Variants in E2F8 observed in about 807,000 individuals in gnomAD.
E2F8 encodes transcription factor E2F8.
E2F8 carries 35 observed loss-of-function variants against 80.8 expected under a neutral mutation model. That is an observed-to-expected ratio of 0.43 (90% CI 0.33 to 0.57). The LOEUF is 0.57. Ranked by LOEUF, E2F8 falls within the 20% of genes least tolerant of loss-of-function variation. The probability of loss-of-function intolerance (pLI) is 0.04; values close to 1 mark genes in which losing one functional copy is unlikely to be tolerated. For missense variants in E2F8, 975 were observed against 1,056.2 expected (o/e 0.92, Z 1.07); for synonymous variants, 386 against 395.0 (o/e 0.98, Z 0.27).
In E2F8 at chr11:19,229,690, T is replaced by G; in HGVS notation, c.1657A>C (p.Thr553Pro). ...TVCTTHSSKA[T>P]GSKDSTDATT... is the part of the protein sequence containing the mutation. ...GCATCTGTGGAGTCTTTTGAGCCAG[T>G]AGCTTTAGAAGAGTGGGTGGTGCAC... Residue 553 changes from threonine to proline, a missense_variant, in exon 10 of 13, where the codon ACT (threonine) becomes CCT (proline). Coordinates refer to ENST00000250024, the MANE Select transcript of E2F8 (RefSeq NM_024680.4). The surrounding 1 kb of genome is among the most constrained non-coding windows in gnomAD (Gnocchi z 4.3). 3 of 1,614,206 alleles carry G rather than the reference T, an allele frequency of 1.9e-6. No homozygotes were observed. The highest frequency in any genetic ancestry group is 2.5e-6 in the Non-Finnish European group (3 of 1,180,036).
intron 6 of E2F8, among the ~76,000 whole-genome samples, chr11:19,233,202 G>T (rs2553971): frequency 1 from 151,662 of 152,302 alleles, 75,513 homozygotes; most frequent in Non-Finnish European, 1. Context: ...CTCCCCATCC[G>T]CTGAGCACTT....
intron 6 of E2F8, among the ~76,000 whole-genome samples, chr11:19,233,637 G>A (rs1369154744): frequency 3.3e-5 from 5 of 151,842 alleles, no homozygotes; most frequent in East Asian, 2.0e-4. Flanking sequence ...ACAGGTGCAC[G>A]CCACCACGCC....
At chr11:19,235,104 T>G in intron 4 of E2F8, 46 bp from the exon 5 acceptor site, 1 of 1,507,378 alleles carries the variant, frequency 6.6e-7, no homozygotes, top group Non-Finnish European at 8.9e-7. Context: ...TGTAACGTGT[T>G]TAGAATTGAA....
At position 19,237,862 on chromosome 11, in the gene E2F8, A is replaced by G. The variant is rs772492739; in HGVS notation, c.286T>C (p.Cys96Arg). 6.2e-7 allele frequency: 1 copy of G among 1,613,212 alleles called. No homozygotes were observed. Among genetic ancestry groups the G allele is most frequent in the Non-Finnish European group, 8.5e-7 (1 of 1,179,610 alleles). The part of the protein sequence containing the change: ...NRSGLPEAKD[C>R]IHEHLSGDEF... ...GTCCTCTGAAAACCTACGTGTATAC[A>G]GTCTTTGGCCTCAGGTAATCCACTT... is the stretch of plus-strand genomic sequence containing the variant. The change falls in exon 3 of 13, where the codon TGT (cysteine) becomes CGT (arginine). Residue 96 changes from cysteine (C) to arginine (R), a missense_variant. By Grantham distance (180) the Cys-to-Arg change is radical. Coordinates refer to ENST00000250024, the MANE Select transcript of E2F8 (RefSeq NM_024680.4).
In E2F8 at chr11:19,229,560, C is replaced by G; in HGVS notation, c.1787G>C (p.Arg596Thr). The G allele has an allele frequency of 6.2e-7, 1 of 1,614,220 alleles. No individual in the cohort carries two copies. The highest frequency in any genetic ancestry group is 8.5e-7 in the Non-Finnish European group (1 of 1,180,048). ...PERQGAKSRT[R>T]EPAGERGSKR... ...TGAGCCTCTTTCTCCAGCTGGCTCC[C>G]TGGTTCGGCTCTTTGCCCCTTGCCT... Residue 596 changes from arginine (R) to threonine (T), a missense_variant, in exon 10 of 13, where the codon AGG (arginine) becomes ACG (threonine). Physicochemically the swap from Arg to Thr is moderately conservative, Grantham distance 71 (BLOSUM62 -1). Transcript: ENST00000250024. This position sits in a 1 kb window ranked among gnomAD's most constrained non-coding sequence, Gnocchi z 4.3.
chr11:19,234,560 A>G, intron 5 of E2F8, 39 bp from the exon 6 acceptor site: 1 of 1,603,896 alleles, frequency 6.2e-7, no homozygotes, highest in Non-Finnish European at 8.5e-7. Flanking sequence ...TAAAATTCAT[A>G]AAGGGACAAG....
At position 19,238,127 on chromosome 11, in the gene E2F8, A is replaced by T; in HGVS notation, c.21T>A (p.Asn7Lys). ...CCCTTTTATGTGGCTCACAAAAGAG[A>T]TTTTCCTGGTTTAAAAAATGTAAAT... MENEKE[N>K]LFCEPHKRGL... is the part of the protein sequence containing the mutation. The change falls in exon 3 of 13, where the codon AAT (asparagine) becomes AAA (lysine). Residue 7 changes from asparagine to lysine, a missense_variant. By Grantham distance (94) the Asn-to-Lys change is moderately conservative. Transcript: ENST00000250024. The T allele has an allele frequency of 6.2e-7, 1 of 1,600,306 alleles. No homozygotes were observed. The highest frequency in any genetic ancestry group is 8.5e-7 in the Non-Finnish European group (1 of 1,174,708).
chr11:19,227,230 A>G (rs1280683989), intron 10 of E2F8, among the ~76,000 whole-genome samples: 1 of 152,204 alleles, frequency 6.6e-6, no homozygotes, highest in Admixed American at 6.5e-5. Context: ...CAAAGCTAAA[A>G]GTATACTACA....
At chr11:19,235,781 C>T (rs1000199620) in intron 4 of E2F8, among the ~76,000 whole-genome samples, 4 of 152,162 alleles carry the variant, frequency 2.6e-5, no homozygotes, top group African/African-American at 7.2e-5. Context: ...ACCTTCCAAC[C>T]GCTTCCAATA....
At chr11:19,230,391 A>G (rs1461175419) in intron 8 of E2F8, 63 bp from the exon 9 acceptor site, 2 of 1,515,050 alleles carry the variant, frequency 1.3e-6, no homozygotes, top group Non-Finnish European at 9.0e-7. Flanking sequence ...CACACAGATG[A>G]AACCTCACTG....
At chr11:19,237,502 C>G in intron 3 of E2F8, 32 bp from the exon 4 acceptor site, 1 of 1,601,054 alleles carries the variant, frequency 6.2e-7, no homozygotes, top group Non-Finnish European at 8.5e-7. Flanking sequence ...ATGTCTTATT[C>G]TAAAATAAAG....
chr11:19,229,187 T>C lies in E2F8; in HGVS notation c.1893+267A>G, dbSNP rs559821388. ...CATGACAGCTGTTTGCATTCCAGTG[T>C]GTGATGGAGAAATGGACTTAAGGAC... is the stretch of plus-strand genomic sequence containing the variant. On this transcript the variant is annotated intron_variant, in intron 10 of 12. Coordinates refer to ENST00000250024, the MANE Select transcript of E2F8 (RefSeq NM_024680.4). This position sits in a 1 kb window ranked among gnomAD's most constrained non-coding sequence, Gnocchi z 4.3. Among the ~76,000 whole-genome samples, 1 of 152,258 alleles carries C rather than the reference T, an allele frequency of 6.6e-6. No homozygotes were observed. Among genetic ancestry groups the C allele is most frequent in the Admixed American group, 6.5e-5 (1 of 15,298 alleles).
intron 3 of E2F8, 138 bp from the exon 4 acceptor site, chr11:19,237,608 G>C: frequency 4.6e-6 from 5 of 1,081,978 alleles, no homozygotes; most frequent in Non-Finnish European, 6.5e-6. Context: ...GGGAGAAAAG[G>C]TTAGGGGGGC....
intron 6 of E2F8, among the ~76,000 whole-genome samples, chr11:19,234,005 G>A (rs982830950): frequency 6.6e-6 from 1 of 151,342 alleles, no homozygotes; most frequent in Non-Finnish European, 1.5e-5. Flanking sequence ...AAAATTAGCC[G>A]GGTGTGGTGG....
intron 3 of E2F8, 90 bp from the exon 4 acceptor site, chr11:19,237,560 T>A (rs1233932011): frequency 1.0e-5 from 14 of 1,353,546 alleles, no homozygotes; most frequent in Non-Finnish European, 1.4e-5. Context: ...TGACACCAAC[T>A]TACACACGCT....
intron 6 of E2F8, among the ~76,000 whole-genome samples, chr11:19,233,478 C>G (rs1851430860): frequency 6.6e-6 from 1 of 152,084 alleles, no homozygotes; most frequent in African/African-American, 2.4e-5. Flanking sequence ...TCACACAGAA[C>G]AGATTCTTCT....
chr11:19,237,724 G>A (rs772397689), intron 3 of E2F8, 130 bp downstream of exon 3: 27 of 1,255,360 alleles, frequency 2.2e-5, no homozygotes, highest in Non-Finnish European at 2.9e-5. Context: ...CCTTTCTGGT[G>A]CTCCGAAGGA....
At position 19,229,596 on chromosome 11, in the gene E2F8, G is replaced by A. The variant is rs1365291168; in HGVS notation, c.1751C>T (p.Pro584Leu). ...CTTTGCCCCTTGCCTCTCTGGTGCT[G>A]GCAGCAAGCTTCCAGGCCTGGTAGA... ...SASTRPGSLL[P>L]APERQGAKSR... Residue 584 changes from proline to leucine, a missense_variant, in exon 10 of 13, where the codon CCA (proline) becomes CTA (leucine). Transcript: ENST00000250024. This position sits in a 1 kb window ranked among gnomAD's most constrained non-coding sequence, Gnocchi z 4.3. 3 of 1,614,178 alleles carry A rather than the reference G, an allele frequency of 1.9e-6. No individual in the cohort carries two copies. The South Asian group carries it at 3.3e-5, about 18-fold the overall frequency.
chr11:19,239,484 A>G (rs1266395151), intron 2 of E2F8, among the ~76,000 whole-genome samples: 2 of 152,136 alleles, frequency 1.3e-5, no homozygotes, highest in African/African-American at 4.8e-5. Flanking sequence ...TAGTAGTTGG[A>G]CACCCCCCAC....
Sources: gnomAD v4.1 joint callset for allele counts (sites outside exome capture counted in the v4.1 genomes callset) on GRCh38, gnomAD v4.1.1 for gene constraint, Gnocchi (gnomAD v3.1) non-coding constraint, MANE v1.5 for transcripts, NCBI Gene and HGNC (gene_info 2026-07-23, HGNC 2026-07-21) for gene names.